The following AGAP1 variants were observed in gnomAD, a reference collection of about 807,000 sequenced individuals.
AGAP1 encodes ArfGAP with GTPase domain, ankyrin repeat and PH domain 1.
A neutral mutation model predicts 105.3 loss-of-function variants in AGAP1; 29 were observed. The ratio of observed to expected loss-of-function variants is 0.28; its 90% CI spans 0.21 to 0.38. AGAP1 has a LOEUF of 0.38. Ranked by LOEUF, AGAP1 falls within the 10% of genes least tolerant of loss-of-function variation. AGAP1 has a pLI of 1.00. For missense variants in AGAP1, 998 were observed against 1,165.1 expected, an observed-to-expected ratio of 0.86 and a Z score of 2.09; for synonymous variants, 509 against 485.9, an observed-to-expected ratio of 1.05 and a Z score of -0.63.
chr2:235,811,969 G>T (rs1304147577), intron 9 of AGAP1, among the ~76,000 whole-genome samples: 1 of 152,204 alleles, frequency 6.6e-6, no homozygotes, highest in East Asian at 1.9e-4. Flanking sequence ...CAACAGCCCT[G>T]TTGACAGCTG....
intron 1 of AGAP1, among the ~76,000 whole-genome samples, chr2:235,707,472 A>ACCC (rs1250772330): frequency 0.016 from 347 of 22,382 alleles, 7 homozygotes; most frequent in South Asian, 0.047. Context: ...CCTCCCCATG[A>ACCC]CCCCCCCCCC....
Position 236,105,611 on chromosome 2 carries a change from A to G in AGAP1, c.2115-14581A>G, listed in dbSNP as rs1457237733. On this transcript the variant is annotated intron_variant, in intron 16 of 17. Transcript: ENST00000304032. The surrounding 1 kb of genome is among the most constrained non-coding windows in gnomAD (Gnocchi z 4.2). ...CGCTCTGTCACCCAGGCTGCAGTGC[A>G]GTGGCGTGAACTCGGCTCACTGCAA... Among the ~76,000 whole-genome samples, 1 of 137,974 alleles carries G rather than the reference A, an allele frequency of 7.2e-6. No individual in the cohort carries two copies. Among genetic ancestry groups the G allele is most frequent in the Non-Finnish European group, 1.5e-5 (1 of 66,432 alleles). 90.5% of individuals were successfully genotyped at this position (137,974 alleles called of 152,430 possible).
rs544224972 is a variant in AGAP1, at chr2:235,558,084, G to T, written c.163+63235G>T. Reference sequence around the variant, plus strand: ...GCACGGGCTGTGGAGAAGCGGGATGGCGAGTAGGAGGCTGGCGGCCTTCCC... The same window carrying T: ...GCACGGGCTGTGGAGAAGCGGGATGTCGAGTAGGAGGCTGGCGGCCTTCCC... On this transcript the variant is annotated intron_variant, in intron 1 of 17. Transcript: ENST00000304032. Among the ~76,000 whole-genome samples the T allele has an allele frequency of 2.4e-3, 366 of 152,288 alleles. 1 individual carries two copies. The highest frequency in any genetic ancestry group is 3.7e-3 in the Non-Finnish European group (252 of 68,024).
chr2:235,862,399 G>C (rs150417391), intron 9 of AGAP1, among the ~76,000 whole-genome samples: 169 of 152,332 alleles, frequency 1.1e-3, no homozygotes, highest in African/African-American at 4.0e-3. Flanking sequence ...TGTGCTGCTC[G>C]TAATGAAACG....
Position 235,874,635 on chromosome 2 carries a change from T to C in AGAP1, c.1051-8710T>C, listed in dbSNP as rs1406514295. ...CTGTGCAGGCCTCACTTGGATCAGC[T>C]GCTCCTGTCCTTAGGGGTCAGGACA... is the stretch of plus-strand genomic sequence containing the variant. On this transcript the variant is annotated intron_variant, in intron 9 of 17. Transcript: ENST00000304032. The surrounding 1 kb of genome is among the most constrained non-coding windows in gnomAD (Gnocchi z 4.5). Among the ~76,000 whole-genome samples, 2 of 152,232 alleles carry C rather than the reference T, an allele frequency of 1.3e-5. No individual in the cohort carries two copies. Among genetic ancestry groups the C allele is most frequent in the African/African-American group, 4.8e-5 (2 of 41,466 alleles).
At chr2:235,626,193 C>CAA (rs777311185) in intron 1 of AGAP1, among the ~76,000 whole-genome samples, 23 of 129,484 alleles carry the variant, frequency 1.8e-4, no homozygotes, top group African/African-American at 5.2e-4. Flanking sequence ...ACTAAAAATA[C>CAA]AAAAAAAAAA....
intron 1 of AGAP1, among the ~76,000 whole-genome samples, chr2:235,561,310 G>A (rs543283359): frequency 6.6e-6 from 1 of 152,302 alleles, no homozygotes; most frequent in African/African-American, 2.4e-5. Context: ...AGGAAACCTT[G>A]TAGGTCAGGA....
At chr2:235,657,278 C>T (rs1426734422) in intron 1 of AGAP1, among the ~76,000 whole-genome samples, 15 of 152,090 alleles carry the variant, frequency 9.9e-5, no homozygotes, top group African/African-American at 3.6e-4. Context: ...TTGTTTATGT[C>T]GCTATTTGAG....
At chr2:235,683,704 T>G (rs1949217317) in intron 1 of AGAP1, among the ~76,000 whole-genome samples, 1 of 151,896 alleles carries the variant, frequency 6.6e-6, no homozygotes, top group Non-Finnish European at 1.5e-5. Context: ...TCTCTCTTTT[T>G]TTTTTTATTA....
intron 15 of AGAP1, among the ~76,000 whole-genome samples, chr2:236,043,554 C>T (rs1042093231): frequency 6.6e-5 from 10 of 152,066 alleles, no homozygotes; most frequent in Non-Finnish European, 1.5e-4. Flanking sequence ...TGGTGAAACC[C>T]CATCTCTACT....
In AGAP1 at chr2:236,105,031, G is replaced by C. The variant is rs1025673217; in HGVS notation, c.2115-15161G>C. Among the ~76,000 whole-genome samples, 2 of 152,246 alleles carry C rather than the reference G, an allele frequency of 1.3e-5. No individual in the cohort carries two copies. The highest frequency in any genetic ancestry group is 1.9e-4 in the East Asian group (1 of 5,172). ...CTCCACTCTGGCAGGTTAGCATCAG[G>C]AGAGACACTGTCCTGGCTGCTGGGT... On this transcript the variant is annotated intron_variant, in intron 16 of 17. Transcript: ENST00000304032. This position sits in a 1 kb window ranked among gnomAD's most constrained non-coding sequence, Gnocchi z 4.2.
At chr2:235,632,523 A>T (rs962663021) in intron 1 of AGAP1, among the ~76,000 whole-genome samples, 2 of 152,172 alleles carry the variant, frequency 1.3e-5, no homozygotes, top group African/African-American at 4.8e-5. Context: ...TCTGAAACAC[A>T]CCTGGGGTCA....
intron 12 of AGAP1, among the ~76,000 whole-genome samples, chr2:235,952,722 G>A (rs2053790089): frequency 6.6e-6 from 1 of 152,154 alleles, no homozygotes; most frequent in Non-Finnish European, 1.5e-5. Context: ...GTAAATATCT[G>A]GAGTTTCCGC....
At position 236,005,893 on chromosome 2, in the gene AGAP1, A is replaced by T. The variant is rs1164824997; in HGVS notation, c.1646-30668A>T. 6.6e-6 allele frequency among the ~76,000 whole-genome samples: 1 copy of T among 152,168 alleles called. No homozygotes were observed. Among genetic ancestry groups the T allele is most frequent in the Non-Finnish European group, 1.5e-5 (1 of 68,034 alleles). ...GACTTGAGGTAGTGTCTGTCAAGTTATTCTGCTGTAAAGTCATTGTGCCCC... is the reference window on the plus strand; with the variant it reads ...GACTTGAGGTAGTGTCTGTCAAGTTTTTCTGCTGTAAAGTCATTGTGCCCC... On this transcript the variant is annotated intron_variant, in intron 13 of 17. Transcript: ENST00000304032. This position sits in a 1 kb window ranked among gnomAD's most constrained non-coding sequence, Gnocchi z 4.1.
chr2:236,043,543 G>A (rs576187884), intron 15 of AGAP1, among the ~76,000 whole-genome samples: 43 of 152,134 alleles, frequency 2.8e-4, no homozygotes, highest in African/African-American at 8.4e-4. Context: ...CCTGGCCAGC[G>A]TGGTGAAACC....
chr2:235,533,083 G>A (rs545652203), intron 1 of AGAP1, among the ~76,000 whole-genome samples: 77 of 152,306 alleles, frequency 5.1e-4, no homozygotes, highest in Non-Finnish European at 9.6e-4. Flanking sequence ...TGGGGAGTGA[G>A]TTGATGTGGA....
rs993414571 is a variant in AGAP1, at chr2:236,036,058, G to A, written c.1646-503G>A. Among the ~76,000 whole-genome samples, 4 of 152,056 alleles carry A rather than the reference G, an allele frequency of 2.6e-5. No individual in the cohort carries two copies. Among genetic ancestry groups the A allele is most frequent in the East Asian group, 1.9e-4 (1 of 5,168 alleles). On this transcript the variant is annotated intron_variant, in intron 13 of 17. Transcript: ENST00000304032. The surrounding 1 kb of genome is among the most constrained non-coding windows in gnomAD (Gnocchi z 5.7). ...CCATGCACTCTCCCTGTCTGAAAACGTGGGAATTGATGCCTCTCCCACGGT... is the reference window on the plus strand; with the variant it reads ...CCATGCACTCTCCCTGTCTGAAAACATGGGAATTGATGCCTCTCCCACGGT...
chr2:235,826,274 G>C (rs1204036347), intron 9 of AGAP1, among the ~76,000 whole-genome samples: 2 of 152,180 alleles, frequency 1.3e-5, no homozygotes, highest in African/African-American at 4.8e-5. Context: ...GCTTATTAAG[G>C]GCCCCAAAAG....
At chr2:235,543,021 G>C (rs1943497073) in intron 1 of AGAP1, among the ~76,000 whole-genome samples, 1 of 150,896 alleles carries the variant, frequency 6.6e-6, no homozygotes, top group African/African-American at 2.4e-5. Context: ...TTTGGGACCT[G>C]TTTGTCGAGT....
Sources: gnomAD v4.1 joint callset for allele counts (sites outside exome capture counted in the v4.1 genomes callset) on GRCh38, gnomAD v4.1.1 for gene constraint, Gnocchi (gnomAD v3.1) non-coding constraint, MANE v1.5 for transcripts, NCBI Gene and HGNC (gene_info 2026-07-23, HGNC 2026-07-21) for gene names.